MMP19: variants seen among roughly 807,000 people sequenced by gnomAD.
The protein encoded by MMP19 is matrix metalloproteinase-19.
Under a neutral mutation model 46.6 loss-of-function variants are expected in MMP19, and 47 were observed. The ratio of observed to expected loss-of-function variants is 1.01; its 90% CI spans 0.80 to 1.29. The LOEUF (loss-of-function observed/expected upper bound fraction) is 1.29. MMP19 is among the 50% of genes most tolerant of loss of function. MMP19 has a pLI of 0.00. For synonymous variants in MMP19, 222 were observed against 248.5 expected (o/e 0.89, Z 1.00); for missense variants, 589 against 643.5 (o/e 0.92, Z 0.92).
chr12:55,838,011 A>AGCGTAATG lies in MMP19; in HGVS notation c.896-12_896-5dup, dbSNP rs993263893. 1.3e-6 allele frequency: 2 copies of AGCGTAATG among 1,567,792 alleles called. No individual in the cohort carries two copies. Among genetic ancestry groups the AGCGTAATG allele is most frequent in the Admixed American group, 1.8e-5 (1 of 54,726 alleles). On this transcript the variant is annotated splice_region_variant and splice_polypyrimidine_tract_variant and intron_variant, in intron 6 of 8. Coordinates refer to ENST00000322569, the MANE Select transcript of MMP19 (RefSeq NM_002429.6). ...GCATAGGTCTTCCCACGGGGCCCTGAGCGTAATGGTGTGTCAACAAGTCAA... is the reference window on the plus strand; with the variant it reads ...GCATAGGTCTTCCCACGGGGCCCTGAGCGTAATGGCGTAATGGTGTGTCAACAAGTCAA...
intron 2 of MMP19, 108 bp downstream of exon 2, chr12:55,842,244 CT>C: frequency 1.2e-6 from 1 of 859,572 alleles, no homozygotes; most frequent in Non-Finnish European, 1.9e-6. Context: ...CTCTAAATCC[CT>C]GGCATGGTTT....
At position 55,841,142 on chromosome 12, in the gene MMP19, G is replaced by T. The variant is rs1273282667; in HGVS notation, c.268C>A (p.Pro90Thr). The T allele has an allele frequency of 6.2e-7, 1 of 1,613,508 alleles. No individual in the cohort carries two copies. Among genetic ancestry groups the T allele is most frequent in the South Asian group, 1.1e-5 (1 of 91,050 alleles). ...MRQPRCGLED[P>T]FNQKTLKYLL... ...TATTTAAGGGTCTTCTGGTTGAAGG[G>T]ATCCTCTAGGCCACAACGAGGCTGC... Residue 90 changes from proline to threonine, a missense_variant, in exon 3 of 9, where the codon CCC becomes ACC. Transcript: ENST00000322569.
rs766942080 is a variant in MMP19, at chr12:55,838,678, C to G, written c.823G>C (p.Val275Leu). 1.1e-5 allele frequency: 17 copies of G among 1,613,302 alleles called. No homozygotes were observed. The highest frequency in any genetic ancestry group is 6.7e-5 in the Admixed American group (4 of 59,966). ...EEEEETELPT[V>L]PPVPTEPSPM... ...CTGGGTTCTGTGGGCACTGGGGGCA[C>G]AGTGGGCAGCTCTGTCTCTTCTTCT... The change falls in exon 6 of 9, where the codon GTG becomes CTG. Residue 275 changes from valine to leucine, a missense_variant. Physicochemically the swap from Val to Leu is conservative, Grantham distance 32. Coordinates refer to ENST00000322569, the MANE Select transcript of MMP19 (RefSeq NM_002429.6).
In MMP19 at chr12:55,840,708, C is replaced by T. The variant is rs778355779; in HGVS notation, c.479G>A (p.Gly160Asp). 1.5e-5 allele frequency: 25 copies of T among 1,613,868 alleles called. No individual in the cohort carries two copies. The South Asian group carries it at 2.2e-4, about 14-fold the overall frequency. ...ATTGGAACAGTACGAGCTTTGGCGG[C>T]CATGGAAGGAGAGGCGGATGTCAGC... ...GAADIRLSFH[G>D]RQSSYCSNTF... Residue 160 changes from glycine (G) to aspartate (D), a missense_variant, in exon 4 of 9, where the codon GGC becomes GAC. Physicochemically the swap from Gly to Asp is moderately conservative, Grantham distance 94. Transcript: ENST00000322569.
In MMP19 at chr12:55,836,772, T is replaced by C. The variant is rs892743344; in HGVS notation, c.*264A>G. ...TGTCTAAGACAGACAGGAAATGGAGTTGGGGGCCAAATCTAAGTTAGGGGA... is the reference window on the plus strand; with the variant it reads ...TGTCTAAGACAGACAGGAAATGGAGCTGGGGGCCAAATCTAAGTTAGGGGA... On this transcript the variant is annotated 3_prime_UTR_variant, in exon 9 of 9. Coordinates refer to ENST00000322569, the MANE Select transcript of MMP19 (RefSeq NM_002429.6). 5 of 318,380 alleles carry C rather than the reference T, an allele frequency of 1.6e-5. No homozygotes were observed. Among genetic ancestry groups the C allele is most frequent in the Non-Finnish European group, 2.9e-5 (5 of 173,878 alleles). The allele number at this position is 318,380 out of a possible 1,614,324, so 19.7% of individuals were successfully genotyped here.
intron 6 of MMP19, chr12:55,838,367 G>C: frequency 1.2e-6 from 1 of 805,720 alleles, no homozygotes; most frequent in Non-Finnish European, 2.0e-6. Flanking sequence ...TGCATTTCCA[G>C]ATGTGTTCTA....
rs1881618002 is a variant in MMP19, at chr12:55,840,668, A to G, written c.519T>C (p.Pro173=). The change falls in exon 4 of 9, where the codon CCT becomes CCC. Residue 173 remains proline (P), a splice_region_variant and synonymous_variant. Coordinates refer to ENST00000322569, the MANE Select transcript of MMP19 (RefSeq NM_002429.6). Reference sequence around the variant, plus strand: ...TGGGAACTGAGAACTGTTGCCTACCAGGCCCATCAAAAGTATTGGAACAGT... The same window carrying G: ...TGGGAACTGAGAACTGTTGCCTACCGGGCCCATCAAAAGTATTGGAACAGT... ...SSYCSNTFDG[P]GRVLAHADIP... 6.2e-7 allele frequency: 1 copy of G among 1,613,050 alleles called. No individual in the cohort carries two copies. The highest frequency in any genetic ancestry group is 8.5e-7 in the Non-Finnish European group (1 of 1,179,354).
At chr12:55,838,271 C>T in intron 6 of MMP19, 2 of 622,254 alleles carry the variant, frequency 3.2e-6, no homozygotes, top group Non-Finnish European at 5.6e-6. Context: ...CTCACCCTCC[C>T]CTCCAAGTGG....
Position 55,840,703 on chromosome 12 carries a change from G to C in MMP19, c.484C>G (p.Gln162Glu). The change falls in exon 4 of 9, where the codon CAA becomes GAA. Residue 162 changes from glutamine to glutamate, a missense_variant. By Grantham distance (29) the Gln-to-Glu change is conservative. Transcript: ENST00000322569. ...AAAGTATTGGAACAGTACGAGCTTT[G>C]GCGGCCATGGAAGGAGAGGCGGATG... ...ADIRLSFHGR[Q>E]SSYCSNTFDG... 6.2e-7 allele frequency: 1 copy of C among 1,614,034 alleles called. No individual in the cohort carries two copies. The highest frequency in any genetic ancestry group is 8.5e-7 in the Non-Finnish European group (1 of 1,179,986).
At chr12:55,842,534 T>C (rs7310325) in intron 1 of MMP19, 96 bp from the exon 2 acceptor site, 1,028,673 of 1,031,522 alleles carry the variant, frequency 1, 512,969 homozygotes, top group East Asian at 1. Flanking sequence ...AGGAGGGACC[T>C]GATATGGAAG....
rs1278138514 is a variant in MMP19, at chr12:55,836,837, A to G, written c.*199T>C. ...GCACTTCTCAGGAGTGAAAATGCAC[A>G]GGAAAGTGGTGGCTGGAGTTGGAAG... is the stretch of plus-strand genomic sequence containing the variant. On this transcript the variant is annotated 3_prime_UTR_variant, in exon 9 of 9. Transcript: ENST00000322569. 1 of 512,474 alleles carries G rather than the reference A, an allele frequency of 2.0e-6. No homozygotes were observed. Among genetic ancestry groups the G allele is most frequent in the Non-Finnish European group, 3.4e-6 (1 of 293,408 alleles). The allele number at this position is 512,474 out of a possible 1,614,324, so 31.7% of individuals were successfully genotyped here.
At chr12:55,838,171 G>A (rs1210132532) in intron 6 of MMP19, 164 bp from the exon 7 acceptor site, 2 of 694,228 alleles carry the variant, frequency 2.9e-6, no homozygotes, top group Non-Finnish European at 4.6e-6. Context: ...AGACAAAGAG[G>A]ACTCAGAATG....
chr12:55,837,393 G>A lies in MMP19; in HGVS notation c.1189-19C>T, dbSNP rs368753754. On this transcript the variant is annotated intron_variant, in intron 8 of 8. Transcript: ENST00000322569. ...CGGAGCCCTGGATATGGGATGGGTG[G>A]GGAGAGGGGAGAGGAAGAGGAGAGA... The A allele has an allele frequency of 2.8e-5, 45 of 1,585,260 alleles. No individual in the cohort carries two copies. The African/African-American group carries it at 5.7e-4, about 20-fold the overall frequency.
chr12:55,838,918 A>G (rs1881465975), intron 5 of MMP19, among the ~76,000 whole-genome samples, 184 bp from the exon 6 acceptor site: 1 of 152,090 alleles, frequency 6.6e-6, no homozygotes. Flanking sequence ...TTTGAGAGAC[A>G]CCAGAAAGGG....
chr12:55,839,459 A>AG (rs1273476266), intron 5 of MMP19, 37 bp downstream of exon 5: 3 of 1,566,372 alleles, frequency 1.9e-6, no homozygotes, highest in Non-Finnish European at 2.6e-6. Flanking sequence ...CGTGGGAGTC[A>AG]GACTGACCCT....
In MMP19 at chr12:55,837,372, G is replaced by T; in HGVS notation, c.1191C>A (p.Gly397=). 1 of 1,597,842 alleles carries T rather than the reference G, an allele frequency of 6.3e-7. No homozygotes were observed. ...GCTCGTCCCACTGCCAGTACCCGGA[G>T]CCCTGGATATGGGATGGGTGGGGAG... The part of the protein sequence containing the change: ...PLNQKVFLFK[G]SGYWQWDELA... Residue 397 remains glycine (G), a splice_region_variant and synonymous_variant, in exon 9 of 9, where the codon GGC becomes GGA. Transcript: ENST00000322569.
Position 55,842,367 on chromosome 12 carries a change from G to A in MMP19, c.159C>T (p.Ile53=). 6.2e-7 allele frequency: 1 copy of A among 1,613,672 alleles called. No individual in the cohort carries two copies. The highest frequency in any genetic ancestry group is 8.5e-7 in the Non-Finnish European group (1 of 1,179,592). Residue 53 remains isoleucine (I), a synonymous_variant, in exon 2 of 9, where the codon ATC becomes ATT. Transcript: ENST00000322569. ...TAGCTTCTCACCTCAGAGCCTCGGT[G>A]ATATCTTCTGGCTTGAAGTTATTAG... is the stretch of plus-strand genomic sequence containing the variant. The part of the protein sequence containing the change: ...EGSNNFKPED[I]TEALRAFQEA...
intron 1 of MMP19, 115 bp from the exon 2 acceptor site, chr12:55,842,553 G>T: frequency 1.1e-6 from 1 of 936,708 alleles, no homozygotes; most frequent in South Asian, 1.3e-5. Context: ...AGCACTAATG[G>T]AGAAGCACCT....
intron 6 of MMP19, 144 bp downstream of exon 6, chr12:55,838,462 A>G (rs1215861132): frequency 1.3e-6 from 2 of 1,591,498 alleles, no homozygotes; most frequent in African/African-American, 1.3e-5. Flanking sequence ...CCCATGTCAC[A>G]TGTCTCCTTC....
Sources: gnomAD v4.1 joint callset for allele counts (sites outside exome capture counted in the v4.1 genomes callset) on GRCh38, gnomAD v4.1.1 for gene constraint, MANE v1.5 for transcripts, NCBI Gene and HGNC (gene_info 2026-07-23, HGNC 2026-07-21) for gene names.